The following SSBP4 variants were observed in gnomAD, a reference collection of about 807,000 sequenced individuals.
SSBP4 encodes single-stranded DNA-binding protein 4.
A neutral mutation model predicts 64.6 loss-of-function variants in SSBP4; 33 were observed. That is an observed-to-expected ratio of 0.51 (90% CI 0.39 to 0.68). The LOEUF (loss-of-function observed/expected upper bound fraction) is 0.68, where lower values mean the gene tolerates loss of function less well. Among genes scored for constraint, SSBP4 ranks in the 30% least tolerant of loss-of-function variants. The probability of loss-of-function intolerance (pLI) is 0.00; values close to 1 mark genes in which losing one functional copy is unlikely to be tolerated. For missense variants in SSBP4, 583 were observed against 566.8 expected, an observed-to-expected ratio of 1.03 and a Z score of -0.29; for synonymous variants, 243 against 224.0, an observed-to-expected ratio of 1.08 and a Z score of -0.76.
intron 1 of SSBP4, among the ~76,000 whole-genome samples, chr19:18,424,410 G>A (rs979046807): frequency 1.3e-5 from 2 of 152,184 alleles, no homozygotes; most frequent in African/African-American, 4.8e-5. Context: ...GCCCAAGACA[G>A]AGACTCTCAG....
chr19:18,429,819 C>T (rs892014593), intron 4 of SSBP4, among the ~76,000 whole-genome samples: 1 of 152,166 alleles, frequency 6.6e-6, no homozygotes. Context: ...CCAGCCCCTC[C>T]CCCAGTTTAG....
Position 18,431,207 on chromosome 19 carries a change from G to C in SSBP4, c.370-146G>C. On this transcript the variant is annotated intron_variant, in intron 5 of 17. Coordinates refer to ENST00000270061, the MANE Select transcript of SSBP4 (RefSeq NM_032627.5). The stretch of plus-strand genomic sequence containing the variant: ...GCCACAGTGGTCCTGGTGACCACTG[G>C]TGCCTGAGTCCTGCCCTCAAGCCTT... 2 of 244,380 alleles carry C rather than the reference G, an allele frequency of 8.2e-6. 1 individual carries two copies. 15.1% of individuals were successfully genotyped at this position (244,380 alleles called of 1,614,324 possible).
At chr19:18,404,993 C>T in the SSBP4 span, among the ~76,000 whole-genome samples, 1 of 151,082 alleles carries the variant, frequency 6.6e-6, no homozygotes, top group South Asian at 2.1e-4. Context: ...AGGCCCCCCC[C>T]CCCGCGAAAG....
Position 18,427,446 on chromosome 19 carries a change from G to T in SSBP4, c.132+23G>T, listed in dbSNP as rs780345517. 1.1e-5 allele frequency: 18 copies of T among 1,606,142 alleles called. No individual in the cohort carries two copies. The highest frequency in any genetic ancestry group is 2.2e-5 in the East Asian group (1 of 44,872). ...GAGGTAAGCCACCACCTCCAGGCTGGCCCTCCCTCCTCACCCACACTCCGG... is the reference window on the plus strand; with the variant it reads ...GAGGTAAGCCACCACCTCCAGGCTGTCCCTCCCTCCTCACCCACACTCCGG... On this transcript the variant is annotated intron_variant, in intron 2 of 17. Transcript: ENST00000270061. This position sits in a 1 kb window ranked among gnomAD's most constrained non-coding sequence, Gnocchi z 4.4.
Position 18,434,294 on chromosome 19 carries a change from C to T in SSBP4, c.*48C>T. ...TCTGCGGGCCTAGGCTTCTGCCCAG[C>T]GCCCCTGCTCAGGGCGAGGGGCTGA... is the stretch of plus-strand genomic sequence containing the variant. On this transcript the variant is annotated 3_prime_UTR_variant, in exon 18 of 18. Transcript: ENST00000270061. 1 of 1,605,010 alleles carries T rather than the reference C, an allele frequency of 6.2e-7. No individual in the cohort carries two copies. The highest frequency in any genetic ancestry group is 1.3e-5 in the African/African-American group (1 of 74,522).
the SSBP4 span, among the ~76,000 whole-genome samples, chr19:18,407,257 C>G: frequency 6.6e-6 from 1 of 151,722 alleles, no homozygotes; most frequent in African/African-American, 2.4e-5. Context: ...AGGCTGGTCT[C>G]GAACTCCTGA....
Position 18,430,822 on chromosome 19 carries a change from G to A in SSBP4, c.280-19G>A, listed in dbSNP as rs1180786641. On this transcript the variant is annotated intron_variant, in intron 4 of 17. Transcript: ENST00000270061. ...CAGGTGTCCTGACCTGGCCCTCTGG[G>A]TTTCCCGCACCCTTACAGAGTGCTG... 1 of 1,599,192 alleles carries A rather than the reference G, an allele frequency of 6.3e-7. No homozygotes were observed.
At chr19:18,419,257 C>T (rs370995719), upstream of SSBP4, 7 of 992,046 alleles carry the variant, frequency 7.1e-6, no homozygotes, top group Non-Finnish European at 8.4e-6. Flanking sequence ...GCGCCCCCAC[C>T]CCCCGCGGCG....
At chr19:18,419,823 C>A in intron 1 of SSBP4, 116 bp downstream of exon 1, 1 of 727,596 alleles carries the variant, frequency 1.4e-6, no homozygotes, top group Non-Finnish European at 1.7e-6. Context: ...AGCCTGAGCG[C>A]GCTCGAGGGG....
rs1012783260 is a variant in SSBP4, at chr19:18,423,146, C to T, written c.59+3439C>T. Among the ~76,000 whole-genome samples the T allele has an allele frequency of 2.6e-5, 4 of 152,160 alleles. No homozygotes were observed. Among genetic ancestry groups the T allele is most frequent in the Admixed American group, 6.5e-5 (1 of 15,280 alleles). On this transcript the variant is annotated intron_variant, in intron 1 of 17. Transcript: ENST00000270061. The surrounding 1 kb of genome is among the most constrained non-coding windows in gnomAD (Gnocchi z 4.0). ...TGCAAGAAGAGGGGCATGTGTATAT[C>T]CTTCAGCACTCAAGTGTTGCCAGGC...
chr19:18,431,435 C>T lies in SSBP4; in HGVS notation c.435+17C>T. ...CACGGTCAGGTAAGGAGCTGTGGTGCCTGCCCCTCACACACACACATCCCC... is the reference window on the plus strand; with the variant it reads ...CACGGTCAGGTAAGGAGCTGTGGTGTCTGCCCCTCACACACACACATCCCC... On this transcript the variant is annotated intron_variant, in intron 6 of 17. Transcript: ENST00000270061. 2 of 1,477,724 alleles carry T rather than the reference C, an allele frequency of 1.4e-6. No individual in the cohort carries two copies. The highest frequency in any genetic ancestry group is 9.2e-7 in the Non-Finnish European group (1 of 1,086,264). The allele number at this position is 1,477,724 out of a possible 1,614,324, so 91.5% of individuals were successfully genotyped here. A position where few individuals can be genotyped will look rare whatever the true frequency, so the allele number is the denominator to read the frequency against.
At chr19:18,408,020 C>T in the SSBP4 span, among the ~76,000 whole-genome samples, 17 of 152,348 alleles carry the variant, frequency 1.1e-4, no homozygotes, top group African/African-American at 2.9e-4. Flanking sequence ...GCTGGGACTA[C>T]AGGCATGAGC....
At chr19:18,404,537 T>C in the SSBP4 span, among the ~76,000 whole-genome samples, 3 of 143,906 alleles carry the variant, frequency 2.1e-5, no homozygotes, top group East Asian at 4.0e-4. Flanking sequence ...GAGGTTGTAG[T>C]GAGCTGAGAT....
At position 18,429,065 on chromosome 19, in the gene SSBP4, G is replaced by A. The variant is rs111391310; in HGVS notation, c.279+1083G>A. Among the ~76,000 whole-genome samples the A allele has an allele frequency of 2.1e-3, 322 of 152,298 alleles. 1 individual carries two copies. The highest frequency in any genetic ancestry group is 7.2e-3 in the African/African-American group (298 of 41,570). On this transcript the variant is annotated intron_variant, in intron 4 of 17. Transcript: ENST00000270061. ...GTTACCATGGCAGCGCCGGCGCAGA[G>A]CGTAGACCGCAGGGCCCAGGGCGGA...
chr19:18,434,380 A>C lies in SSBP4; in HGVS notation c.*134A>C. 3.5e-6 allele frequency: 5 copies of C among 1,430,432 alleles called. No individual in the cohort carries two copies. The highest frequency in any genetic ancestry group is 4.6e-6 in the Non-Finnish European group (5 of 1,085,254). The allele number at this position is 1,430,432 out of a possible 1,614,324, so 88.6% of individuals were successfully genotyped here. On this transcript the variant is annotated 3_prime_UTR_variant, in exon 18 of 18. Transcript: ENST00000270061. ...AAGGCTTGCCCAGCTGGGAGGCCCC[A>C]CACGAAAGACTCTTACCATTTTATT... is the stretch of plus-strand genomic sequence containing the variant.
rs1276338206 is a variant in SSBP4 at position 18,427,315 on chromosome 19, A to G, written c.60-36A>G. The G allele has an allele frequency of 6.2e-7, 1 of 1,603,232 alleles. No homozygotes were observed. Among genetic ancestry groups the G allele is most frequent in the South Asian group, 1.1e-5 (1 of 90,706 alleles). ...GCTTTGGGGTGGGCCCTTGCCTTGGAGAGTCTGAGCTCCCTGGGCCGCCTC... is the reference window on the plus strand; with the variant it reads ...GCTTTGGGGTGGGCCCTTGCCTTGGGGAGTCTGAGCTCCCTGGGCCGCCTC... On this transcript the variant is annotated intron_variant, in intron 1 of 17. Transcript: ENST00000270061. This position sits in a 1 kb window ranked among gnomAD's most constrained non-coding sequence, Gnocchi z 4.4.
chr19:18,426,930 T>A lies in SSBP4; in HGVS notation c.60-421T>A, dbSNP rs1972896586. ...CAGGGGATGTGGGGTGGAGGACCCC[T>A]TCCCTCCTTCCTTCCTGGGCCGGGG... is the stretch of plus-strand genomic sequence containing the variant. On this transcript the variant is annotated intron_variant, in intron 1 of 17. Transcript: ENST00000270061. The surrounding 1 kb of genome is among the most constrained non-coding windows in gnomAD (Gnocchi z 4.5). Among the ~76,000 whole-genome samples, 1 of 152,046 alleles carries A rather than the reference T, an allele frequency of 6.6e-6. No individual in the cohort carries two copies. The highest frequency in any genetic ancestry group is 2.1e-4 in the South Asian group (1 of 4,832).
At chr19:18,409,467 G>A in the SSBP4 span, among the ~76,000 whole-genome samples, 11 of 152,146 alleles carry the variant, frequency 7.2e-5, no homozygotes, top group South Asian at 1.2e-3. Flanking sequence ...TATTACAGGC[G>A]TGAGCCATGG....
At chr19:18,420,798 G>A (rs957793989) in intron 1 of SSBP4, among the ~76,000 whole-genome samples, 3 of 151,424 alleles carry the variant, frequency 2.0e-5, no homozygotes, top group Non-Finnish European at 4.4e-5. Context: ...GTTGCAGTGA[G>A]CCGAGATCAC....
Sources: allele counts gnomAD v4.1 joint callset (sites outside exome capture counted in the v4.1 genomes callset), GRCh38; gene constraint gnomAD v4.1.1; non-coding constraint Gnocchi (gnomAD v3.1); transcripts MANE v1.5; gene names NCBI Gene and HGNC (gene_info 2026-07-23, HGNC 2026-07-21).